SLC2A13: variants seen among roughly 807,000 people sequenced by gnomAD.
SLC2A13 encodes the protein solute carrier family 2 member 13.
In SLC2A13, 32 loss-of-function variants were observed where a neutral mutation model predicts 64.4. The ratio of observed to expected loss-of-function variants is 0.50; its 90% CI spans 0.37 to 0.67. SLC2A13 has a LOEUF of 0.67. SLC2A13 is among the 30% of genes least tolerant of loss of function. SLC2A13 has a pLI of 0.00. For missense variants in SLC2A13, 743 were observed against 829.2 expected (o/e 0.90, Z 1.28); for synonymous variants, 338 against 327.1 (o/e 1.03, Z -0.36).
At chr12:39,895,873 CAT>C (rs746956255) in intron 4 of SLC2A13, among the ~76,000 whole-genome samples, 1 of 69,926 alleles carries the variant, frequency 1.4e-5, no homozygotes, top group East Asian at 1.5e-3. Flanking sequence ...TATGCACACA[CAT>C]ATGTATATGC....
intron 7 of SLC2A13, among the ~76,000 whole-genome samples, chr12:39,786,406 C>T (rs1251545747): frequency 6.0e-4 from 1 of 1,656 alleles, no homozygotes; most frequent in Non-Finnish European, 1.5e-3. Context: ...CCATGTGGAA[C>T]TGTGAGTCCA....
At chr12:39,867,400 T>C (rs2135932265) in intron 5 of SLC2A13, among the ~76,000 whole-genome samples, 1 of 152,160 alleles carries the variant, frequency 6.6e-6, no homozygotes, top group South Asian at 2.1e-4. Flanking sequence ...CAAATAAATA[T>C]TGGTTGAATG....
In SLC2A13 at chr12:39,801,027, A is replaced by G. The variant is rs867108588; in HGVS notation, c.1445+29076T>C. Among the ~76,000 whole-genome samples, 46 of 22,758 alleles carry G rather than the reference A, an allele frequency of 2.0e-3. 1 individual carries two copies. The highest frequency in any genetic ancestry group is 7.0e-3 in the African/African-American group (43 of 6,154). The allele number at this position is 22,758 out of a possible 152,430, so 14.9% of individuals were successfully genotyped here. On this transcript the variant is annotated intron_variant, in intron 7 of 9. Coordinates refer to ENST00000280871, the MANE Select transcript of SLC2A13 (RefSeq NM_052885.4). ...AACCAAACACCGCATATTCTCACTC[A>G]TAGGTGGGAATTGAACAATGAGATC... is the stretch of plus-strand genomic sequence containing the variant.
intron 3 of SLC2A13, among the ~76,000 whole-genome samples, chr12:39,994,086 A>G (rs1947183696): frequency 6.6e-6 from 1 of 152,190 alleles, no homozygotes; most frequent in South Asian, 2.1e-4. Flanking sequence ...CTATCAACTT[A>G]CAGATGATAA....
At chr12:40,026,754 A>G (rs1223701989) in intron 3 of SLC2A13, among the ~76,000 whole-genome samples, 2 of 152,188 alleles carry the variant, frequency 1.3e-5, no homozygotes, top group Non-Finnish European at 2.9e-5. Context: ...TAATTTGTAC[A>G]TAACTTTCAA....
chr12:39,964,174 T>G (rs965114470), intron 3 of SLC2A13, among the ~76,000 whole-genome samples: 11 of 152,170 alleles, frequency 7.2e-5, no homozygotes, highest in African/African-American at 2.7e-4. Flanking sequence ...AGGCTGTAAA[T>G]GTATTCTCTA....
chr12:39,761,686 CTG>C lies in SLC2A13; in HGVS notation c.1721-1436_1721-1435del, dbSNP rs558769040. On this transcript the variant is annotated intron_variant, in intron 9 of 9. Transcript: ENST00000280871. ...GTGTTCTGAGTACAGATATGCAAGA[CTG>C]TGGAGGTAGGAAGAGAAATGGAATC... Among the ~76,000 whole-genome samples, 11 of 151,648 alleles carry C rather than the reference CTG, an allele frequency of 7.3e-5. No individual in the cohort carries two copies. In the East Asian group the frequency reaches 2.1e-3, roughly 30 times the overall value.
At chr12:40,102,872 T>A (rs2136310539) in intron 1 of SLC2A13, among the ~76,000 whole-genome samples, 1 of 152,366 alleles carries the variant, frequency 6.6e-6, no homozygotes, top group Admixed American at 6.5e-5. Context: ...TTTGCATAGA[T>A]CCTAATTTTA....
chr12:39,880,321 C>A (rs1944307462), intron 4 of SLC2A13, among the ~76,000 whole-genome samples: 1 of 152,092 alleles, frequency 6.6e-6, no homozygotes. Flanking sequence ...ATGTTTTACT[C>A]AAGATACAAA....
intron 5 of SLC2A13, among the ~76,000 whole-genome samples, chr12:39,865,258 T>C (rs534889595): frequency 5.9e-5 from 9 of 152,298 alleles, no homozygotes; most frequent in Admixed American, 2.6e-4. Flanking sequence ...CGAAAGACAA[T>C]AGATTTCCAT....
At chr12:39,974,379 C>T (rs1946725862) in intron 3 of SLC2A13, among the ~76,000 whole-genome samples, 1 of 152,096 alleles carries the variant, frequency 6.6e-6, no homozygotes, top group Admixed American at 6.6e-5. Flanking sequence ...TGACCTCAAC[C>T]CATGTTCTTG....
intron 3 of SLC2A13, among the ~76,000 whole-genome samples, chr12:40,000,795 C>G (rs528802950): frequency 6.6e-6 from 1 of 152,254 alleles, no homozygotes; most frequent in East Asian, 1.9e-4. Flanking sequence ...TCTAAAGGCT[C>G]TATCTCCAAA....
intron 7 of SLC2A13, among the ~76,000 whole-genome samples, chr12:39,782,050 G>A (rs983578332): frequency 1.3e-5 from 2 of 152,172 alleles, no homozygotes; most frequent in African/African-American, 2.4e-5. Context: ...GTACTTGGTG[G>A]GGTCGAGGTA....
chr12:39,825,888 T>C (rs1254351321), intron 7 of SLC2A13, among the ~76,000 whole-genome samples: 1 of 152,158 alleles, frequency 6.6e-6, no homozygotes, highest in Non-Finnish European at 1.5e-5. Flanking sequence ...AATTTTAACA[T>C]CTTGTTTTGC....
intron 4 of SLC2A13, among the ~76,000 whole-genome samples, chr12:39,940,349 TCTC>T (rs138881124): frequency 0.2 from 30,245 of 151,960 alleles, 3,194 homozygotes; most frequent in African/African-American, 0.27. Flanking sequence ...CCTTTATTCT[TCTC>T]TACATTTATC....
chr12:39,895,477 G>A (rs1312960215), intron 4 of SLC2A13, among the ~76,000 whole-genome samples: 23 of 114,012 alleles, frequency 2.0e-4, no homozygotes, highest in African/African-American at 5.9e-4. Flanking sequence ...GCGACAGAGC[G>A]AGACTCTGTC....
chr12:39,916,702 A>G (rs1182551484), intron 4 of SLC2A13, among the ~76,000 whole-genome samples: 1 of 152,134 alleles, frequency 6.6e-6, no homozygotes, highest in African/African-American at 2.4e-5. Context: ...CATTTATCAA[A>G]AGCACAGTAA....
intron 6 of SLC2A13, among the ~76,000 whole-genome samples, chr12:39,856,845 T>C (rs753195401): frequency 2.0e-5 from 3 of 152,270 alleles, no homozygotes; most frequent in Non-Finnish European, 4.4e-5. Flanking sequence ...TTTCGTTTCA[T>C]ACAAACTTAA....
chr12:39,894,961 C>T (rs1159667638), intron 4 of SLC2A13, among the ~76,000 whole-genome samples: 2 of 152,184 alleles, frequency 1.3e-5, no homozygotes, highest in Admixed American at 6.5e-5. Flanking sequence ...GAACCCTCAT[C>T]TGTGCTTAAG....
Sources: gnomAD v4.1 joint callset for allele counts (sites outside exome capture counted in the v4.1 genomes callset) on GRCh38, gnomAD v4.1.1 for gene constraint, MANE v1.5 for transcripts, NCBI Gene and HGNC (gene_info 2026-07-23, HGNC 2026-07-21) for gene names.